PLPPR1: variants seen among roughly 807,000 people sequenced by gnomAD.
The protein encoded by PLPPR1 is phospholipid phosphatase-related protein type 1.
In PLPPR1, 10 loss-of-function variants were observed where a neutral mutation model predicts 33.1. The observed-to-expected ratio is 0.30, with a 90% CI of 0.19 to 0.51. PLPPR1 has a LOEUF of 0.51. Ranked by LOEUF, PLPPR1 falls within the 20% of genes least tolerant of loss-of-function variation. The probability of loss-of-function intolerance (pLI) is 0.97; values close to 1 mark genes in which losing one functional copy is unlikely to be tolerated. For synonymous variants in PLPPR1, 151 were observed against 151.0 expected (o/e 1.00, Z 0.00); for missense variants, 304 against 408.1 (o/e 0.74, Z 2.20).
chr9:101,284,121 A>G (rs1340935876), intron 3 of PLPPR1, among the ~76,000 whole-genome samples: 3 of 152,144 alleles, frequency 2.0e-5, no homozygotes, highest in East Asian at 3.8e-4. Flanking sequence ...GTAGCAATCT[A>G]TATACCACTA....
chr9:101,183,948 T>C (rs1274296924), intron 1 of PLPPR1, among the ~76,000 whole-genome samples: 1 of 151,720 alleles, frequency 6.6e-6, no homozygotes, highest in Non-Finnish European at 1.5e-5. Flanking sequence ...TTTTCAGATA[T>C]ACAACACTGT....
intron 1 of PLPPR1, among the ~76,000 whole-genome samples, chr9:101,092,845 A>G (rs770942436): frequency 1.3e-5 from 2 of 152,160 alleles, no homozygotes; most frequent in Non-Finnish European, 2.9e-5. Flanking sequence ...TGAGGTCACG[A>G]GGCGAGGGTC....
intron 2 of PLPPR1, among the ~76,000 whole-genome samples, chr9:101,240,968 G>A (rs909177861): frequency 3.3e-5 from 5 of 151,994 alleles, no homozygotes; most frequent in African/African-American, 9.7e-5. Flanking sequence ...ACTTGAACAC[G>A]GTAAAACAAG....
At chr9:101,164,507 T>G (rs2033395) in intron 1 of PLPPR1, among the ~76,000 whole-genome samples, 68,826 of 151,532 alleles carry the variant, frequency 0.45, 16,347 homozygotes, top group Non-Finnish European at 0.53. Flanking sequence ...GGATTACGGG[T>G]GCACACCACC....
At position 101,320,103 on chromosome 9, in the gene PLPPR1, C is replaced by T. The variant is rs111512653; in HGVS notation, c.945+2607C>T. On this transcript the variant is annotated intron_variant, in intron 7 of 7. Transcript: ENST00000374874. Reference sequence around the variant, plus strand: ...GTGCTAAACAGGGTTTCAAAAAATGCTATTCACAAGATAAAGGATTCTTAA... The same window carrying T: ...GTGCTAAACAGGGTTTCAAAAAATGTTATTCACAAGATAAAGGATTCTTAA... Among the ~76,000 whole-genome samples, 5 of 152,310 alleles carry T rather than the reference C, an allele frequency of 3.3e-5. 1 individual carries two copies. The highest frequency in any genetic ancestry group is 2.1e-4 in the South Asian group (1 of 4,824).
chr9:101,292,871 C>T (rs989108714), intron 4 of PLPPR1, among the ~76,000 whole-genome samples: 41 of 151,570 alleles, frequency 2.7e-4, no homozygotes, highest in African/African-American at 7.5e-4. Flanking sequence ...TAAAGACCAT[C>T]GAGGCTAGGA....
chr9:101,249,192 T>C (rs1396395740), intron 2 of PLPPR1, among the ~76,000 whole-genome samples: 1 of 152,094 alleles, frequency 6.6e-6, no homozygotes, highest in African/African-American at 2.4e-5. Flanking sequence ...AGTGAGCAAA[T>C]GTCTAGCAGT....
intron 2 of PLPPR1, among the ~76,000 whole-genome samples, chr9:101,210,134 A>T (rs1286572881): frequency 6.6e-6 from 1 of 152,206 alleles, no homozygotes; most frequent in Non-Finnish European, 1.5e-5. Flanking sequence ...TGCTTTGCTA[A>T]CACTACAAAT....
chr9:101,178,871 T>A (rs542825576), intron 1 of PLPPR1, among the ~76,000 whole-genome samples: 1 of 152,180 alleles, frequency 6.6e-6, no homozygotes, highest in African/African-American at 2.4e-5. Context: ...AGTGATCCAC[T>A]AGCAAAATTT....
At chr9:101,182,066 C>A (rs897803130) in intron 1 of PLPPR1, among the ~76,000 whole-genome samples, 1 of 151,278 alleles carries the variant, frequency 6.6e-6, no homozygotes, top group African/African-American at 2.4e-5. Flanking sequence ...TAATGGAATA[C>A]TATTTAGCCT....
intron 2 of PLPPR1, among the ~76,000 whole-genome samples, chr9:101,241,090 TA>T (rs1457780605): frequency 6.6e-6 from 1 of 152,088 alleles, no homozygotes; most frequent in Non-Finnish European, 1.5e-5. Context: ...TTTCTAAAAA[TA>T]ATGCAAGATG....
intron 4 of PLPPR1, among the ~76,000 whole-genome samples, chr9:101,295,831 C>T (rs1433535203): frequency 6.6e-6 from 1 of 151,092 alleles, no homozygotes; most frequent in Non-Finnish European, 1.5e-5. Context: ...AAACGTTAGA[C>T]CTAAAACCAT....
At chr9:101,278,027 G>C (rs147906076) in intron 3 of PLPPR1, among the ~76,000 whole-genome samples, 1 of 152,092 alleles carries the variant, frequency 6.6e-6, no homozygotes, top group Non-Finnish European at 1.5e-5. Flanking sequence ...TCCAAAGCCC[G>C]CATTCAGGAA....
chr9:101,085,809 C>T (rs911268020), intron 1 of PLPPR1, among the ~76,000 whole-genome samples: 2 of 151,978 alleles, frequency 1.3e-5, no homozygotes, highest in African/African-American at 4.8e-5. Context: ...TAGCTTGTCC[C>T]CAGAACTTAC....
chr9:101,177,894 G>A (rs138081566), intron 1 of PLPPR1, among the ~76,000 whole-genome samples: 3,254 of 152,114 alleles, frequency 0.021, 58 homozygotes, highest in Admixed American at 0.04. Flanking sequence ...CAAAAATCTG[G>A]ATTGGTATAA....
intron 1 of PLPPR1, among the ~76,000 whole-genome samples, chr9:101,045,581 T>C (rs1045947770): frequency 6.6e-6 from 1 of 152,184 alleles, no homozygotes. Context: ...TAAAGAAGCA[T>C]ATTTTAACAA....
intron 1 of PLPPR1, among the ~76,000 whole-genome samples, chr9:101,075,658 T>TA (rs1830526487): frequency 1.3e-5 from 2 of 152,216 alleles, no homozygotes; most frequent in Non-Finnish European, 2.9e-5. Flanking sequence ...ATTTATCATT[T>TA]ATCCCCTAGT....
At chr9:101,260,255 G>C (rs1827873890) in intron 2 of PLPPR1, among the ~76,000 whole-genome samples, 1 of 152,082 alleles carries the variant, frequency 6.6e-6, no homozygotes, top group Non-Finnish European at 1.5e-5. Context: ...CCCATACAAA[G>C]TAATCACTGA....
chr9:101,181,618 G>C (rs906734694), intron 1 of PLPPR1, among the ~76,000 whole-genome samples: 3 of 133,496 alleles, frequency 2.2e-5, no homozygotes, highest in Non-Finnish European at 3.4e-5. Flanking sequence ...ATGTGTGTGT[G>C]TGTGTGTGTG....
Sources: allele counts gnomAD v4.1 joint callset (sites outside exome capture counted in the v4.1 genomes callset), GRCh38; gene constraint gnomAD v4.1.1; transcripts MANE v1.5; gene names NCBI Gene and HGNC (gene_info 2026-07-23, HGNC 2026-07-21).